TRPM7: variants seen among roughly 807,000 people sequenced by gnomAD.
TRPM7 encodes the protein transient receptor potential cation channel subfamily M member 7, also known as LTRPC ion channel family member 7.
Under a neutral mutation model 229.7 loss-of-function variants are expected in TRPM7, and 134 were observed. The ratio of observed to expected loss-of-function variants is 0.58; its 90% confidence interval spans 0.51 to 0.67. The LOEUF (loss-of-function observed/expected upper bound fraction) is 0.67. Among genes scored for constraint, TRPM7 ranks in the 30% least tolerant of loss-of-function variants. The probability of loss-of-function intolerance (pLI) is 0.00; values close to 1 mark genes in which losing one functional copy is unlikely to be tolerated. For synonymous variants in TRPM7, 699 were observed against 715.2 expected, an observed-to-expected ratio of 0.98 and a Z score of 0.36; for missense variants, 1,901 against 2,210.0, an observed-to-expected ratio of 0.86 and a Z score of 2.80.
In TRPM7 at chr15:50,648,825, T is replaced by G; in HGVS notation, c.183A>C (p.Lys61Asn). The G allele has an allele frequency of 6.2e-7, 1 of 1,613,216 alleles. No individual in the cohort carries two copies. Among genetic ancestry groups the G allele is most frequent in the Non-Finnish European group, 8.5e-7 (1 of 1,179,480 alleles). Residue 61 changes from lysine (K) to asparagine (N), a missense_variant, in exon 4 of 39, where the codon AAA becomes AAC. Transcript: ENST00000646667. ...GGTCACCCAATTTCACATCTGAGTA[T>G]TTCATGGCAAGACTTGCAGTAAAAC... ...HACFTASLAM[K>N]YSDVKLGDHF...
At chr15:50,577,936 TAAG>T (rs1055577307) in intron 31 of TRPM7, among the ~76,000 whole-genome samples, 53 of 152,224 alleles carry the variant, frequency 3.5e-4, no homozygotes, top group East Asian at 2.7e-3. Flanking sequence ...AACAATATGT[TAAG>T]AAGAAGAAGC....
chr15:50,664,912 C>T (rs1363147838), intron 1 of TRPM7, among the ~76,000 whole-genome samples: 1 of 152,090 alleles, frequency 6.6e-6, no homozygotes, highest in Admixed American at 6.6e-5. Context: ...CTGCAGTAAG[C>T]CAAGATCACA....
intron 3 of TRPM7, among the ~76,000 whole-genome samples, chr15:50,657,309 G>A (rs756721272): frequency 5.9e-5 from 9 of 152,150 alleles, no homozygotes; most frequent in Non-Finnish European, 1.2e-4. Context: ...GGGTAACAGA[G>A]CAAGACTCCG....
intron 27 of TRPM7, among the ~76,000 whole-genome samples, chr15:50,587,009 C>T (rs1244664627): frequency 3.3e-5 from 5 of 151,884 alleles, no homozygotes; most frequent in Admixed American, 2.6e-4. Context: ...AACGAGACTC[C>T]GTCTCAAGAA....
chr15:50,685,231 G>C lies in TRPM7; in HGVS notation c.3+1300C>G, dbSNP rs370005293. The stretch of plus-strand genomic sequence containing the variant: ...TAATCCCAGGACTTTGGGGGGCTGA[G>C]GCGGGCGGATCACCTGAGGTCAGGA... On this transcript the variant is annotated intron_variant, in intron 1 of 38. Transcript: ENST00000646667. 2.5e-3 allele frequency among the ~76,000 whole-genome samples: 375 copies of C among 152,358 alleles called. 2 individuals are homozygous for C. Among genetic ancestry groups the C allele is most frequent in the African/African-American group, 8.6e-3 (357 of 41,584 alleles).
chr15:50,685,284 T>C (rs1413229202), intron 1 of TRPM7, among the ~76,000 whole-genome samples: 2 of 152,100 alleles, frequency 1.3e-5, no homozygotes, highest in Admixed American at 1.3e-4. Context: ...CCAAACATGG[T>C]GAAACCCCGT....
intron 27 of TRPM7, among the ~76,000 whole-genome samples, chr15:50,586,874 G>A (rs1185397722): frequency 1.3e-5 from 2 of 152,106 alleles, no homozygotes; most frequent in East Asian, 1.9e-4. Context: ...AAATCAGCTG[G>A]TTGTGGTGGC....
chr15:50,615,759 G>A (rs1307587227), intron 13 of TRPM7, among the ~76,000 whole-genome samples: 2 of 152,046 alleles, frequency 1.3e-5, no homozygotes, highest in Non-Finnish European at 2.9e-5. Context: ...AGCTGGGTGT[G>A]GTGGAGGGCA....
chr15:50,628,607 G>A (rs1017240384), intron 10 of TRPM7, among the ~76,000 whole-genome samples: 7 of 152,088 alleles, frequency 4.6e-5, no homozygotes, highest in African/African-American at 1.7e-4. Context: ...TGCCCAGCAC[G>A]AACACTTATG....
At position 50,560,426 on chromosome 15, in the gene TRPM7, T is replaced by A. The variant is rs1453641802; in HGVS notation, c.*1252A>T. 1 of 152,558 alleles carries A rather than the reference T, an allele frequency of 6.6e-6. No individual in the cohort carries two copies. The highest frequency in any genetic ancestry group is 6.6e-5 in the Admixed American group (1 of 15,262). 9.5% of individuals were successfully genotyped at this position (152,558 alleles called of 1,614,324 possible). On this transcript the variant is annotated 3_prime_UTR_variant, in exon 39 of 39. Coordinates refer to ENST00000646667, the MANE Select transcript of TRPM7 (RefSeq NM_017672.6). Reference sequence around the variant, plus strand: ...TATTAAACACTATTTAAACAGCTTATCATCTCTTGCCTTGTCTGTATCTAT... The same window carrying A: ...TATTAAACACTATTTAAACAGCTTAACATCTCTTGCCTTGTCTGTATCTAT...
intron 5 of TRPM7, 148 bp from the exon 6 acceptor site, chr15:50,639,696 A>T (rs2061029509): frequency 5.5e-6 from 3 of 542,174 alleles, no homozygotes; most frequent in African/African-American, 3.9e-5. Context: ...CCTCCCCAGT[A>T]GGTGGGACTA....
At position 50,639,509 on chromosome 15, in the gene TRPM7, G is replaced by A. The variant is rs2061022847; in HGVS notation, c.575C>T (p.Ala192Val). ...KHVGDALKEHASRSSRKICTI... is the reference protein window; with the variant it reads ...KHVGDALKEHVSRSSRKICTI... ...GCAAATCTTTCGAGATGATCTGGAA[G>A]CATGTTCTTTGAGGGCATCTCCAAC... The change falls in exon 6 of 39, where the codon GCT becomes GTT. Residue 192 changes from alanine (A) to valine (V), a missense_variant. By Grantham distance (64) the Ala-to-Val change is moderately conservative. Coordinates refer to ENST00000646667, the MANE Select transcript of TRPM7 (RefSeq NM_017672.6). 1 of 1,611,548 alleles carries A rather than the reference G, an allele frequency of 6.2e-7. No homozygotes were observed.
chr15:50,630,550 A>T (rs2060701159), intron 10 of TRPM7, among the ~76,000 whole-genome samples: 1 of 152,222 alleles, frequency 6.6e-6, no homozygotes, highest in Non-Finnish European at 1.5e-5. Flanking sequence ...TAGTCCTAAA[A>T]GATACCACTA....
chr15:50,563,582 G>T (rs892510154), intron 38 of TRPM7, among the ~76,000 whole-genome samples: 4 of 152,196 alleles, frequency 2.6e-5, no homozygotes, highest in African/African-American at 9.7e-5. Context: ...GGGAAAAGAA[G>T]AATTGGATAG....
At chr15:50,673,648 A>G (rs1445541264) in intron 1 of TRPM7, among the ~76,000 whole-genome samples, 6 of 152,162 alleles carry the variant, frequency 3.9e-5, no homozygotes, top group African/African-American at 1.4e-4. Context: ...ATATATATAT[A>G]TACCACAGTT....
intron 17 of TRPM7, among the ~76,000 whole-genome samples, chr15:50,610,288 A>G (rs58579351): frequency 0.02 from 3,111 of 152,236 alleles, 124 homozygotes; most frequent in African/African-American, 0.072. Context: ...CATTTTGTTT[A>G]AACAAAATTC....
intron 10 of TRPM7, among the ~76,000 whole-genome samples, chr15:50,630,065 T>C (rs955732855): frequency 1.3e-5 from 2 of 152,042 alleles, no homozygotes; most frequent in African/African-American, 4.8e-5. Context: ...TTTCGCCATG[T>C]TGGCCAGGCT....
chr15:50,668,743 A>C (rs1299819424), intron 1 of TRPM7, among the ~76,000 whole-genome samples: 1 of 152,172 alleles, frequency 6.6e-6, no homozygotes, highest in East Asian at 1.9e-4. Context: ...CCTGACATCA[A>C]GTGATTCACC....
chr15:50,643,271 G>C, intron 5 of TRPM7, 69 bp downstream of exon 5: 2 of 1,308,992 alleles, frequency 1.5e-6, no homozygotes, highest in Non-Finnish European at 2.2e-6. Flanking sequence ...CCTGGCAACA[G>C]AGTGAGAGTC....
Sources: gnomAD v4.1 joint callset for allele counts (sites outside exome capture counted in the v4.1 genomes callset) on GRCh38, gnomAD v4.1.1 for gene constraint, MANE v1.5 for transcripts, NCBI Gene and HGNC (gene_info 2026-07-23, HGNC 2026-07-21) for gene names.